FER1L5: variants seen among roughly 807,000 people sequenced by gnomAD.
FER1L5 encodes fer-1 like family member 5.
In FER1L5, 187 loss-of-function variants were observed where a neutral mutation model predicts 279.9. That is an observed-to-expected ratio of 0.67 (90% confidence interval 0.59 to 0.75). FER1L5 has a LOEUF of 0.75. FER1L5 is among the 30% of genes least tolerant of loss of function. The pLI is 0.00. For synonymous variants in FER1L5, 921 were observed against 989.7 expected, an observed-to-expected ratio of 0.93 and a Z score of 1.30; for missense variants, 2,091 against 2,594.4, an observed-to-expected ratio of 0.81 and a Z score of 4.21.
intron 26 of FER1L5, among the ~76,000 whole-genome samples, chr2:96,690,057 C>A (rs182263669): frequency 9.2e-5 from 14 of 152,296 alleles, no homozygotes; most frequent in Admixed American, 7.8e-4. Context: ...GGTAGGCTAA[C>A]CCAGCACTGT....
intron 31 of FER1L5, among the ~76,000 whole-genome samples, chr2:96,692,982 C>G (rs957936540): frequency 2.0e-5 from 3 of 152,028 alleles, no homozygotes; most frequent in Admixed American, 1.3e-4. Context: ...TCGAGACCAG[C>G]CTGGCCAACA....
intron 37 of FER1L5, among the ~76,000 whole-genome samples, chr2:96,696,469 T>G (rs920727600): frequency 3.9e-5 from 6 of 152,110 alleles, no homozygotes; most frequent in Non-Finnish European, 5.9e-5. Context: ...ATTTTTTGTA[T>G]TTTTAGTAGA....
At chr2:96,680,404 C>G (rs1324131552) in intron 19 of FER1L5, among the ~76,000 whole-genome samples, 2 of 152,110 alleles carry the variant, frequency 1.3e-5, no homozygotes, top group East Asian at 3.9e-4. Flanking sequence ...ACTGTATCTC[C>G]TTCCGGAACT....
At chr2:96,680,166 C>T (rs928580137) in intron 19 of FER1L5, among the ~76,000 whole-genome samples, 4 of 151,982 alleles carry the variant, frequency 2.6e-5, no homozygotes, top group Non-Finnish European at 5.9e-5. Flanking sequence ...TATCTGTCTC[C>T]TTGGTTTGCT....
Position 96,699,940 on chromosome 2 carries a change from C to T in FER1L5, c.4790C>T (p.Pro1597Leu). 8 of 1,613,826 alleles carry T rather than the reference C, an allele frequency of 5.0e-6. No homozygotes were observed. The highest frequency in any genetic ancestry group is 6.8e-6 in the Non-Finnish European group (8 of 1,179,818). ...GLSKSYCQSG[P>L]FRWRDQMPPS... ...TCTCACATCCCCCACAGGTCAGGGC[C>T]CTTTAGATGGCGGGATCAGATGCCC... The change falls in exon 44 of 53, where the codon CCC becomes CTC. Residue 1597 changes from proline to leucine, a missense_variant. By Grantham distance (98) the Pro-to-Leu change is moderately conservative (BLOSUM62 -3). Transcript: ENST00000624922.
chr2:96,645,146 G>A (rs900193353), intron 1 of FER1L5, among the ~76,000 whole-genome samples: 2 of 152,084 alleles, frequency 1.3e-5, no homozygotes, highest in South Asian at 2.1e-4. Context: ...GGATGTCTTC[G>A]TTAGGGTACA....
intron 19 of FER1L5, among the ~76,000 whole-genome samples, chr2:96,681,711 T>A (rs1055748473): frequency 1.3e-5 from 2 of 152,120 alleles, no homozygotes; most frequent in Non-Finnish European, 2.9e-5. Flanking sequence ...TGTGTATTAT[T>A]CTATTGTGTG....
At chr2:96,664,606 T>C (rs1018714988) in intron 14 of FER1L5, among the ~76,000 whole-genome samples, 2 of 152,212 alleles carry the variant, frequency 1.3e-5, no homozygotes, top group Non-Finnish European at 2.9e-5. Flanking sequence ...TTATGAACAT[T>C]TCCGGTTTGG....
At chr2:96,661,220 C>T in intron 10 of FER1L5, 105 bp from the exon 11 acceptor site, 3 of 727,978 alleles carry the variant, frequency 4.1e-6, no homozygotes, top group Non-Finnish European at 6.7e-6. Context: ...AGCAGGATGC[C>T]TGAGACCTAT....
intron 7 of FER1L5, chr2:96,652,984 G>A (rs528074382): frequency 6.6e-6 from 1 of 152,470 alleles, no homozygotes; most frequent in Non-Finnish European, 1.5e-5. Flanking sequence ...GGAGACCGTG[G>A]TGAGTGGATC....
At chr2:96,658,309 C>A (rs2075681268) in intron 9 of FER1L5, among the ~76,000 whole-genome samples, 2 of 151,388 alleles carry the variant, frequency 1.3e-5, no homozygotes, top group Admixed American at 1.3e-4. Context: ...AGCCAACGCA[C>A]CTGGCCAACT....
At chr2:96,697,935 G>T in intron 39 of FER1L5, 102 bp from the exon 40 acceptor site, 1 of 1,489,544 alleles carries the variant, frequency 6.7e-7, no homozygotes, top group Non-Finnish European at 9.0e-7. Flanking sequence ...CAGGGCCGCT[G>T]ACTGCCAGAT....
chr2:96,697,830 G>A (rs901733901), intron 39 of FER1L5, 69 bp downstream of exon 39: 3 of 1,558,706 alleles, frequency 1.9e-6, no homozygotes, highest in Admixed American at 3.6e-5. Flanking sequence ...AGCTAGCCTT[G>A]ATTCCTCTGG....
intron 2 of FER1L5, 47 bp downstream of exon 2, chr2:96,646,500 C>G (rs2075136371): frequency 6.5e-7 from 1 of 1,534,678 alleles, no homozygotes; most frequent in African/African-American, 1.4e-5. Context: ...ACCCCAACAG[C>G]AAGGGGGCAA....
intron 37 of FER1L5, among the ~76,000 whole-genome samples, chr2:96,696,442 G>A (rs1034948826): frequency 1.3e-5 from 2 of 152,040 alleles, no homozygotes; most frequent in Non-Finnish European, 2.9e-5. Flanking sequence ...ACAGGTGCCC[G>A]CCACCACGCA....
chr2:96,678,766 A>G (rs1171233499), intron 19 of FER1L5, among the ~76,000 whole-genome samples: 2 of 152,094 alleles, frequency 1.3e-5, no homozygotes, highest in East Asian at 1.9e-4. Context: ...CCATTCATTT[A>G]TCTTCTTTAG....
chr2:96,697,725 C>T lies in FER1L5; in HGVS notation c.4200C>T (p.Ser1400=), dbSNP rs960467947. Residue 1400 remains serine, a synonymous_variant, in exon 39 of 53, where the codon TCC becomes TCT. Coordinates refer to ENST00000624922, the MANE Select transcript of FER1L5 (RefSeq NM_001293083.2). ...KLFWATDEHK[S]LKYKYKDYHT... ...TCTGGGCCACAGATGAGCACAAGTC[C>T]CTGAAGTACAAGTACAAAGACTACC... The T allele has an allele frequency of 6.2e-7, 1 of 1,613,844 alleles. No individual in the cohort carries two copies. The highest frequency in any genetic ancestry group is 8.5e-7 in the Non-Finnish European group (1 of 1,179,878).
chr2:96,679,444 G>A (rs1280402279), intron 19 of FER1L5, among the ~76,000 whole-genome samples: 3 of 151,984 alleles, frequency 2.0e-5, no homozygotes, highest in Non-Finnish European at 2.9e-5. Flanking sequence ...GGCTGGTCTC[G>A]ATCTCGTGAC....
chr2:96,680,433 C>A (rs750397544), intron 19 of FER1L5, among the ~76,000 whole-genome samples: 2 of 151,880 alleles, frequency 1.3e-5, no homozygotes, highest in Non-Finnish European at 2.9e-5. Context: ...CCTCTGTGGA[C>A]CTTCTCATTC....
Sources: allele counts gnomAD v4.1 joint callset (sites outside exome capture counted in the v4.1 genomes callset), GRCh38; gene constraint gnomAD v4.1.1; transcripts MANE v1.5; gene names NCBI Gene and HGNC (gene_info 2026-07-23, HGNC 2026-07-21).